The following ART3 variants were observed in gnomAD, a reference collection of about 807,000 sequenced individuals.
ART3 encodes ecto-ADP-ribosyltransferase 3.
ART3 carries 49 observed loss-of-function variants against 48.5 expected under a neutral mutation model. The observed-to-expected ratio is 1.01, with a 90% CI of 0.80 to 1.28. The LOEUF (loss-of-function observed/expected upper bound fraction) is 1.28. ART3 is among the 50% of genes most tolerant of loss of function. The pLI is 0.00. For synonymous variants in ART3, 145 were observed against 157.2 expected, an observed-to-expected ratio of 0.92 and a Z score of 0.58; for missense variants, 438 against 454.3, an observed-to-expected ratio of 0.96 and a Z score of 0.33.
At chr4:76,078,818 C>A (rs188572152) in intron 2 of ART3, among the ~76,000 whole-genome samples, 2 of 152,184 alleles carry the variant, frequency 1.3e-5, no homozygotes, top group African/African-American at 4.8e-5. Flanking sequence ...CGGTGGCTCA[C>A]GCCTGTAATC....
intron 1 of ART3, among the ~76,000 whole-genome samples, chr4:76,018,491 T>A (rs10000436): frequency 0.41 from 62,868 of 151,930 alleles, 15,391 homozygotes; most frequent in African/African-American, 0.66. Context: ...TGGTACTATG[T>A]TCATTACCTG....
chr4:76,026,449 G>A (rs1237810612), intron 1 of ART3, among the ~76,000 whole-genome samples: 2 of 152,136 alleles, frequency 1.3e-5, no homozygotes, highest in African/African-American at 4.8e-5. Flanking sequence ...CAGCATACCA[G>A]GATTGTATTT....
At chr4:76,087,881 G>A (rs781247260) in intron 3 of ART3, among the ~76,000 whole-genome samples, 2 of 152,108 alleles carry the variant, frequency 1.3e-5, no homozygotes, top group African/African-American at 2.4e-5. Flanking sequence ...TAGAAAATGC[G>A]ATAAAGTTGA....
intron 1 of ART3, among the ~76,000 whole-genome samples, chr4:76,046,624 C>T (rs1191001649): frequency 6.6e-6 from 1 of 151,928 alleles, no homozygotes; most frequent in African/African-American, 2.4e-5. Flanking sequence ...ATTGTCCTTC[C>T]AATGCCCAGA....
At chr4:76,089,740 G>A (rs936493432) in intron 3 of ART3, among the ~76,000 whole-genome samples, 8 of 152,074 alleles carry the variant, frequency 5.3e-5, no homozygotes, top group African/African-American at 1.5e-4. Context: ...TAGTTCACAC[G>A]GTGTCTGACA....
At chr4:76,014,159 A>G (rs948553191) in intron 1 of ART3, among the ~76,000 whole-genome samples, 2 of 152,160 alleles carry the variant, frequency 1.3e-5, no homozygotes, top group East Asian at 1.9e-4. Context: ...AGGTGACTGT[A>G]TTTAGAGATA....
intron 1 of ART3, among the ~76,000 whole-genome samples, chr4:76,037,716 T>G (rs1450659623): frequency 6.6e-6 from 1 of 152,222 alleles, no homozygotes; most frequent in Non-Finnish European, 1.5e-5. Flanking sequence ...TTTACCTGAA[T>G]TTTTCTAATT....
intron 4 of ART3, among the ~76,000 whole-genome samples, chr4:76,098,049 C>T (rs1578562838): frequency 6.6e-6 from 1 of 152,174 alleles, no homozygotes; most frequent in East Asian, 1.9e-4. Flanking sequence ...GAGCTAGCTC[C>T]TGTTCCTGTA....
chr4:76,104,449 C>A lies in ART3; in HGVS notation c.971-148C>A, dbSNP rs17001396. 6.8e-6 allele frequency: 10 copies of A among 1,460,282 alleles called. No individual in the cohort carries two copies. The African/African-American group carries it at 1.1e-4, about 17-fold the overall frequency. The allele number at this position is 1,460,282 out of a possible 1,614,324, so 90.5% of individuals were successfully genotyped here. Reference sequence around the variant, plus strand: ...TGTGGATTTGTATAATAAGGGTTTACGTAAGCAGAACTTTTAAATAAAAAG... The same window carrying A: ...TGTGGATTTGTATAATAAGGGTTTAAGTAAGCAGAACTTTTAAATAAAAAG... On this transcript the variant is annotated intron_variant, in intron 9 of 11. Transcript: ENST00000355810.
chr4:76,085,667 G>A (rs1195205011), intron 3 of ART3, among the ~76,000 whole-genome samples: 1 of 152,182 alleles, frequency 6.6e-6, no homozygotes, highest in African/African-American at 2.4e-5. Flanking sequence ...GAGAAATGCT[G>A]GCTAGGGTTT....
At chr4:76,098,552 A>G (rs945234309) in intron 4 of ART3, among the ~76,000 whole-genome samples, 4 of 152,172 alleles carry the variant, frequency 2.6e-5, no homozygotes, top group Admixed American at 2.6e-4. Flanking sequence ...GCTTAAGGTC[A>G]GGAGTTTGAG....
chr4:76,021,255 C>G (rs1161572055), intron 1 of ART3: 1 of 152,214 alleles, frequency 6.6e-6, no homozygotes, highest in East Asian at 1.9e-4. Flanking sequence ...GAGCATATAT[C>G]TATCTGTATT....
At position 76,065,552 on chromosome 4, in the gene ART3, A is replaced by AACACACACACACACACAC. The variant is rs56794781; in HGVS notation, c.-9-10320_-9-10303dup. On this transcript the variant is annotated intron_variant, in intron 1 of 9. Coordinates refer to the ART3 transcript ENST00000341029. ...CTCCCACACTCTGATATAACCCTCC[A>AACACACACACACACACAC]ACACACACACACACACACACACACA... Among the ~76,000 whole-genome samples the AACACACACACACACACAC allele has an allele frequency of 6.8e-3, 987 of 145,346 alleles. 12 individuals are homozygous for AACACACACACACACACAC. Among genetic ancestry groups the AACACACACACACACACAC allele is most frequent in the African/African-American group, 0.013 (506 of 38,834 alleles).
intron 1 of ART3, among the ~76,000 whole-genome samples, chr4:76,018,376 A>G (rs1225604789): frequency 6.6e-6 from 1 of 152,184 alleles, no homozygotes; most frequent in African/African-American, 2.4e-5. Context: ...ATAAGTGGGA[A>G]CTGAACATTG....
At chr4:76,051,320 A>C (rs1736062088) in intron 1 of ART3, among the ~76,000 whole-genome samples, 1 of 151,764 alleles carries the variant, frequency 6.6e-6, no homozygotes, top group African/African-American at 2.4e-5. Flanking sequence ...AAGAGTTCTT[A>C]GTAGAATACT....
chr4:76,104,327 A>G (rs941092507), intron 9 of ART3: 2 of 982,790 alleles, frequency 2.0e-6, no homozygotes, highest in South Asian at 4.7e-5. Flanking sequence ...CTTGGCTAAC[A>G]TCTCATTGCC....
intron 1 of ART3, among the ~76,000 whole-genome samples, chr4:76,068,801 GA>G (rs967292113): frequency 8.6e-5 from 13 of 151,856 alleles, no homozygotes; most frequent in South Asian, 2.1e-4. Flanking sequence ...AAGTTTAAAA[GA>G]AAAAAAATTC....
At chr4:76,028,671 A>T (rs1733624557) in intron 1 of ART3, among the ~76,000 whole-genome samples, 1 of 152,194 alleles carries the variant, frequency 6.6e-6, no homozygotes, top group Non-Finnish European at 1.5e-5. Context: ...TCCCCTTCAC[A>T]GTTTTCACTC....
At chr4:76,100,900 A>T (rs1727155523) in intron 7 of ART3, 76 bp downstream of exon 7, 1 of 1,595,452 alleles carries the variant, frequency 6.3e-7, no homozygotes, top group African/African-American at 1.4e-5. Context: ...ATATTTTCAT[A>T]TTTACTGAAA....
Sources: allele counts gnomAD v4.1 joint callset (sites outside exome capture counted in the v4.1 genomes callset), GRCh38; gene constraint gnomAD v4.1.1; transcripts MANE v1.5; gene names NCBI Gene and HGNC (gene_info 2026-07-23, HGNC 2026-07-21).